PKIA: variants seen among roughly 807,000 people sequenced by gnomAD.
The protein encoded by PKIA is cAMP-dependent protein kinase inhibitor alpha.
Under a neutral mutation model 7.6 loss-of-function variants are expected in PKIA, and 4 were observed. The ratio of observed to expected loss-of-function variants is 0.52; its 90% confidence interval spans 0.26 to 1.20. PKIA has a LOEUF of 1.20. Ranked by LOEUF, PKIA falls within the 50% of genes most tolerant of loss-of-function variation. The pLI is 0.13. For missense variants in PKIA, 73 were observed against 86.2 expected, an observed-to-expected ratio of 0.85 and a Z score of 0.61; for synonymous variants, 21 against 30.7, an observed-to-expected ratio of 0.68 and a Z score of 1.04.
intron 1 of PKIA, among the ~76,000 whole-genome samples, chr8:78,526,419 G>A (rs573019566): frequency 6.6e-6 from 1 of 152,124 alleles, no homozygotes; most frequent in East Asian, 1.9e-4. Context: ...TCGTTTCACT[G>A]GCTCATTATC....
chr8:78,564,550 G>A (rs550904060), intron 1 of PKIA, among the ~76,000 whole-genome samples: 12 of 151,716 alleles, frequency 7.9e-5, no homozygotes, highest in Non-Finnish European at 1.6e-4. Flanking sequence ...ATCTAATTTG[G>A]TTCAACAACT....
intron 3 of PKIA, among the ~76,000 whole-genome samples, chr8:78,599,420 T>C (rs75878904): frequency 0.046 from 6,928 of 152,132 alleles, 247 homozygotes; most frequent in Middle Eastern, 0.065. Context: ...AGGTAAAACC[T>C]TTAGATTATT....
intron 1 of PKIA, among the ~76,000 whole-genome samples, chr8:78,555,142 C>G (rs1040715588): frequency 2.0e-5 from 3 of 152,004 alleles, no homozygotes; most frequent in African/African-American, 7.2e-5. Context: ...TCAGAGACTT[C>G]TCTTCTAACT....
intron 2 of PKIA, among the ~76,000 whole-genome samples, chr8:78,582,891 T>C (rs1397988662): frequency 6.6e-6 from 1 of 152,116 alleles, no homozygotes. Flanking sequence ...AAATCATCCA[T>C]GTCAGGCCAT....
rs1808425402 is a variant in PKIA at position 78,604,389 on chromosome 8, T to C, written c.*2568T>C. 6.6e-6 allele frequency: 1 copy of C among 151,974 alleles called. No individual in the cohort carries two copies. The highest frequency in any genetic ancestry group is 2.1e-4 in the South Asian group (1 of 4,832). 9.4% of individuals were successfully genotyped at this position (151,974 alleles called of 1,614,324 possible). On this transcript the variant is annotated 3_prime_UTR_variant, in exon 4 of 4. Coordinates refer to ENST00000396418, the MANE Select transcript of PKIA (RefSeq NM_006823.4). ...AACTGAGGATTTGAACCCATGTTTGTCACCAAGGAGCTTTCCAGGGCACAT... is the reference window on the plus strand; with the variant it reads ...AACTGAGGATTTGAACCCATGTTTGCCACCAAGGAGCTTTCCAGGGCACAT...
intron 2 of PKIA, among the ~76,000 whole-genome samples, chr8:78,587,286 G>T (rs1036495514): frequency 6.6e-6 from 1 of 152,084 alleles, no homozygotes; most frequent in Non-Finnish European, 1.5e-5. Context: ...AAATAATTTG[G>T]CAAGTATTAT....
chr8:78,535,360 C>CT (rs1806495792), intron 1 of PKIA: 2 of 151,974 alleles, frequency 1.3e-5, no homozygotes, highest in South Asian at 4.2e-4. Context: ...TTTTTTCCTT[C>CT]TTTTTTCTGT....
At chr8:78,525,917 G>A (rs960510739) in intron 1 of PKIA, among the ~76,000 whole-genome samples, 12 of 151,144 alleles carry the variant, frequency 7.9e-5, no homozygotes, top group South Asian at 2.1e-4. Flanking sequence ...TGATTTATAC[G>A]TTACTCAACC....
intron 2 of PKIA, among the ~76,000 whole-genome samples, chr8:78,589,545 T>C (rs1354086926): frequency 6.6e-6 from 1 of 152,062 alleles, no homozygotes; most frequent in African/African-American, 2.4e-5. Flanking sequence ...AATGATGCCA[T>C]TCGGGGTGGG....
chr8:78,553,652 C>T (rs924560875), intron 1 of PKIA, among the ~76,000 whole-genome samples: 3 of 151,732 alleles, frequency 2.0e-5, no homozygotes, highest in African/African-American at 7.3e-5. Context: ...ATTTTTGGTC[C>T]CTGAAAGCTG....
intron 1 of PKIA, among the ~76,000 whole-genome samples, chr8:78,569,192 C>G (rs1395099232): frequency 2.0e-5 from 3 of 152,044 alleles, no homozygotes; most frequent in Non-Finnish European, 4.4e-5. Flanking sequence ...AGGAACTAAG[C>G]CTCTACACAC....
chr8:78,562,161 A>G (rs1044292911), intron 1 of PKIA, among the ~76,000 whole-genome samples: 2 of 152,228 alleles, frequency 1.3e-5, no homozygotes, highest in Non-Finnish European at 2.9e-5. Context: ...AAATCATGCT[A>G]GTTTGAAAAT....
chr8:78,537,882 A>G (rs981776399), intron 1 of PKIA, among the ~76,000 whole-genome samples: 4 of 151,978 alleles, frequency 2.6e-5, no homozygotes, highest in African/African-American at 9.7e-5. Context: ...ATTGCTCTTC[A>G]TGTTTTCTTG....
At chr8:78,594,701 C>T (rs1313536343) in intron 2 of PKIA, among the ~76,000 whole-genome samples, 5 of 152,042 alleles carry the variant, frequency 3.3e-5, no homozygotes, top group Non-Finnish European at 5.9e-5. Flanking sequence ...TATTCTCCAA[C>T]ATGTGTCATG....
At chr8:78,599,985 TAAATA>T (rs1204150552) in intron 3 of PKIA, among the ~76,000 whole-genome samples, 2 of 150,000 alleles carry the variant, frequency 1.3e-5, no homozygotes, top group Admixed American at 6.7e-5. Context: ...TTAATAAATA[TAAATA>T]AAATAATTTC....
In PKIA at chr8:78,603,027, G is replaced by A. The variant is rs1267526004; in HGVS notation, c.*1206G>A. On this transcript the variant is annotated 3_prime_UTR_variant, in exon 4 of 4. Transcript: ENST00000396418. ...GTAAACTTTTACTAATAATTAGTGTGAATTGCATTCTGATACAATAATGAT... is the reference window on the plus strand; with the variant it reads ...GTAAACTTTTACTAATAATTAGTGTAAATTGCATTCTGATACAATAATGAT... 1 of 152,272 alleles carries A rather than the reference G, an allele frequency of 6.6e-6. No individual in the cohort carries two copies. Among genetic ancestry groups the A allele is most frequent in the East Asian group, 1.9e-4 (1 of 5,164 alleles). 9.4% of individuals were successfully genotyped at this position (152,272 alleles called of 1,614,324 possible). A position where few individuals can be genotyped will look rare whatever the true frequency, so the allele number is the denominator to read the frequency against.
At chr8:78,567,990 T>C (rs1754550933) in intron 1 of PKIA, among the ~76,000 whole-genome samples, 1 of 152,182 alleles carries the variant, frequency 6.6e-6, no homozygotes, top group Non-Finnish European at 1.5e-5. Flanking sequence ...GCCCTGGTTC[T>C]AGAATTGGTC....
chr8:78,523,116 T>G (rs970768370), intron 1 of PKIA, among the ~76,000 whole-genome samples: 3 of 151,906 alleles, frequency 2.0e-5, no homozygotes, highest in African/African-American at 7.2e-5. Flanking sequence ...ATTAAAATGC[T>G]AAAAGGACAA....
chr8:78,546,039 C>G (rs757573278), intron 1 of PKIA, among the ~76,000 whole-genome samples: 29 of 152,192 alleles, frequency 1.9e-4, no homozygotes, highest in South Asian at 8.3e-4. Flanking sequence ...TTTACAAAAT[C>G]TGACCTAGCT....
Sources: gnomAD v4.1 joint callset for allele counts (sites outside exome capture counted in the v4.1 genomes callset) on GRCh38, gnomAD v4.1.1 for gene constraint, MANE v1.5 for transcripts, NCBI Gene and HGNC (gene_info 2026-07-23, HGNC 2026-07-21) for gene names.